Variants in CSMD1 observed in about 807,000 individuals in gnomAD.
CSMD1 encodes CUB and Sushi multiple domains 1, also known as CUB and sushi domain-containing protein 1.
CSMD1 carries 213 observed loss-of-function variants against 417.5 expected under a neutral mutation model. The observed-to-expected ratio is 0.51, with a 90% CI of 0.46 to 0.57. CSMD1 has a LOEUF of 0.57. Among genes scored for constraint, CSMD1 ranks in the 20% least tolerant of loss-of-function variants. CSMD1 has a pLI of 0.00. For missense variants in CSMD1, 6,923 were observed against 4,529.7 expected (o/e 1.53, Z -15.17); for synonymous variants, 2,862 against 1,736.8 (o/e 1.65, Z -16.11).
intron 1 of CSMD1, among the ~76,000 whole-genome samples, chr8:4,990,987 C>G (rs371319139): frequency 6.6e-6 from 1 of 152,186 alleles, no homozygotes; most frequent in Non-Finnish European, 1.5e-5. Context: ...TTCCACCTTT[C>G]TCTTTCGGGC....
At chr8:4,622,423 G>A (rs1365035316) in intron 2 of CSMD1, among the ~76,000 whole-genome samples, 1 of 152,072 alleles carries the variant, frequency 6.6e-6, no homozygotes, top group Non-Finnish European at 1.5e-5. Flanking sequence ...TGGGGTGACA[G>A]CAAAACTATG....
intron 1 of CSMD1, among the ~76,000 whole-genome samples, chr8:4,939,620 C>A (rs183823348): frequency 6.7e-6 from 1 of 150,334 alleles, no homozygotes; most frequent in Non-Finnish European, 1.5e-5. Context: ...GAGAGTAGAA[C>A]GGCCATTAAC....
At chr8:4,698,865 T>G (rs1293984925) in intron 1 of CSMD1, among the ~76,000 whole-genome samples, 1 of 151,420 alleles carries the variant, frequency 6.6e-6, no homozygotes, top group Non-Finnish European at 1.5e-5. Flanking sequence ...TTCAATACAT[T>G]TTGGCAATCC....
intron 3 of CSMD1, among the ~76,000 whole-genome samples, chr8:4,375,234 T>C (rs750647929): frequency 8.5e-5 from 13 of 152,066 alleles, no homozygotes; most frequent in Non-Finnish European, 1.8e-4. Flanking sequence ...TGGATGGTCT[T>C]AGAATACATA....
chr8:3,994,415 C>G (rs1051696833), intron 5 of CSMD1, among the ~76,000 whole-genome samples: 7 of 119,710 alleles, frequency 5.8e-5, no homozygotes, highest in Admixed American at 2.0e-4. Flanking sequence ...ATTAGAAGTA[C>G]AAGTTATAGG....
At chr8:3,262,833 A>T (rs1801180482) in intron 26 of CSMD1, among the ~76,000 whole-genome samples, 2 of 152,234 alleles carry the variant, frequency 1.3e-5, no homozygotes, top group Non-Finnish European at 2.9e-5. Flanking sequence ...TGAATTCTAC[A>T]ATCTACAAAA....
chr8:3,648,360 G>C (rs1797681687), intron 7 of CSMD1, among the ~76,000 whole-genome samples: 1 of 152,284 alleles, frequency 6.6e-6, no homozygotes, highest in East Asian at 1.9e-4. Context: ...GGTCATGACA[G>C]AGAAATTTTC....
Position 3,065,282 on chromosome 8 carries a change from CATAG to C in CSMD1, c.7475-12639_7475-12636del, listed in dbSNP as rs199836260. ...CAGAGAGGAAGACTGGAATATGATA[CATAG>C]ATAGATAGATAGATAGGTAGATAGA... On this transcript the variant is annotated intron_variant, in intron 49 of 69. Coordinates refer to ENST00000635120, the MANE Select transcript of CSMD1 (RefSeq NM_033225.6). Among the ~76,000 whole-genome samples, 526 of 140,392 alleles carry C rather than the reference CATAG, an allele frequency of 3.7e-3. 3 individuals carry two copies. The highest frequency in any genetic ancestry group is 4.9e-3 in the East Asian group (24 of 4,858). The allele number at this position is 140,392 out of a possible 152,430, so 92.1% of individuals were successfully genotyped here.
intron 49 of CSMD1, among the ~76,000 whole-genome samples, chr8:3,080,675 C>T (rs1324912419): frequency 6.6e-6 from 1 of 152,170 alleles, no homozygotes; most frequent in African/African-American, 2.4e-5. Flanking sequence ...CCCAAATCCC[C>T]TTCAAGACCT....
chr8:4,832,762 C>T (rs1800229029), intron 1 of CSMD1, among the ~76,000 whole-genome samples: 1 of 152,246 alleles, frequency 6.6e-6, no homozygotes, highest in South Asian at 2.1e-4. Context: ...TGGATCAACT[C>T]TTAGAACCAT....
chr8:3,112,665 C>T (rs1408880787), intron 42 of CSMD1, among the ~76,000 whole-genome samples: 1 of 152,100 alleles, frequency 6.6e-6, no homozygotes, highest in African/African-American at 2.4e-5. Flanking sequence ...CATAGTGAAC[C>T]GTAGAGACCC....
chr8:4,251,501 A>G (rs190686136), intron 3 of CSMD1, among the ~76,000 whole-genome samples: 1 of 152,212 alleles, frequency 6.6e-6, no homozygotes, highest in Non-Finnish European at 1.5e-5. Flanking sequence ...GACAAAGGAC[A>G]AGATAGTTAT....
At chr8:3,363,504 T>G (rs998683406) in intron 20 of CSMD1, among the ~76,000 whole-genome samples, 1 of 147,584 alleles carries the variant, frequency 6.8e-6, no homozygotes, top group Non-Finnish European at 1.5e-5. Context: ...GTGAAAAATG[T>G]AGAAAGGCTT....
chr8:2,982,597 A>G (rs1805519336), intron 54 of CSMD1, among the ~76,000 whole-genome samples: 1 of 152,158 alleles, frequency 6.6e-6, no homozygotes, highest in African/African-American at 2.4e-5. Context: ...TTCCCGTGGC[A>G]TGCCTCACAC....
rs1338731847 is a variant in CSMD1 at position 3,158,673 on chromosome 8, A to G, written c.5845-707T>C. Among the ~76,000 whole-genome samples the G allele has an allele frequency of 3.9e-5, 6 of 152,110 alleles. No homozygotes were observed. The South Asian group carries it at 6.2e-4, about 16-fold the overall frequency. On this transcript the variant is annotated intron_variant, in intron 38 of 69. Transcript: ENST00000635120. ...AACAAACAGTAGAGGGTTAAATTCA[A>G]AGATGTTTTGTGCTAACATCTCTTT...
At chr8:3,766,908 G>A (rs546612292) in intron 5 of CSMD1, among the ~76,000 whole-genome samples, 27 of 152,228 alleles carry the variant, frequency 1.8e-4, no homozygotes, top group African/African-American at 6.5e-4. Flanking sequence ...ACCTTGTTCA[G>A]TCAGCTGGTA....
intron 1 of CSMD1, among the ~76,000 whole-genome samples, chr8:4,906,652 G>A (rs1463622818): frequency 1.3e-5 from 2 of 152,222 alleles, no homozygotes; most frequent in Admixed American, 1.3e-4. Context: ...CAACTCCGGG[G>A]TTCAAGCAAT....
At chr8:4,243,911 G>A (rs555216458) in intron 3 of CSMD1, among the ~76,000 whole-genome samples, 42 of 152,320 alleles carry the variant, frequency 2.8e-4, no homozygotes, top group African/African-American at 9.9e-4. Context: ...TAGGTTAGCA[G>A]AGAGTTTGCT....
intron 54 of CSMD1, among the ~76,000 whole-genome samples, chr8:2,989,250 A>G (rs1806179315): frequency 2.0e-5 from 3 of 152,166 alleles, no homozygotes; most frequent in Admixed American, 2.0e-4. Context: ...AAGCTTCACC[A>G]TCTTTATGAG....
Sources: allele counts gnomAD v4.1 joint callset (sites outside exome capture counted in the v4.1 genomes callset), GRCh38; gene constraint gnomAD v4.1.1; transcripts MANE v1.5; gene names NCBI Gene and HGNC (gene_info 2026-07-23, HGNC 2026-07-21).